Variants in DIPK1A observed in about 807,000 individuals in gnomAD.
The protein encoded by DIPK1A is divergent protein kinase domain 1A, also known as family with sequence similarity 69 member A.
In DIPK1A, 27 loss-of-function variants were observed where a neutral mutation model predicts 40.8. That is an observed-to-expected ratio of 0.66 (90% CI 0.49 to 0.91). The LOEUF is 0.91. DIPK1A is among the 40% of genes least tolerant of loss of function. DIPK1A has a pLI of 0.00. For missense variants in DIPK1A, 412 were observed against 505.7 expected, an observed-to-expected ratio of 0.81 and a Z score of 1.78; for synonymous variants, 166 against 171.3, an observed-to-expected ratio of 0.97 and a Z score of 0.24.
At position 92,929,209 on chromosome 1, in the gene DIPK1A, A is replaced by G. The variant is rs140733312; in HGVS notation, c.54+32167T>C. On this transcript the variant is annotated intron_variant, in intron 1 of 4. Coordinates refer to ENST00000370310, the MANE Select transcript of DIPK1A (RefSeq NM_001006605.5). ...TGTAGTGATTTTTGGATTGGTTATT[A>G]CACATTATGCATAATATGTTGTCAT... is the stretch of plus-strand genomic sequence containing the variant. Among the ~76,000 whole-genome samples the G allele has an allele frequency of 6.7e-3, 1,020 of 152,286 alleles. 14 individuals are homozygous for G. Among genetic ancestry groups the G allele is most frequent in the African/African-American group, 0.023 (956 of 41,556 alleles).
intron 2 of DIPK1A, among the ~76,000 whole-genome samples, chr1:92,867,345 C>A (rs537482279): frequency 4.0e-5 from 6 of 151,750 alleles, no homozygotes; most frequent in Non-Finnish European, 7.4e-5. Context: ...TGGGCCACTG[C>A]GCCTGGCCCT....
intron 1 of DIPK1A, chr1:92,876,873 A>T: frequency 4.0e-6 from 2 of 500,028 alleles, no homozygotes; most frequent in Non-Finnish European, 5.2e-6. Context: ...AAGAACAGAA[A>T]ATCTGGCTAT....
chr1:92,880,414 T>G (rs1648312743), intron 1 of DIPK1A, among the ~76,000 whole-genome samples: 1 of 152,236 alleles, frequency 6.6e-6, no homozygotes, highest in Non-Finnish European at 1.5e-5. Flanking sequence ...ATGCCAATTC[T>G]ACTCTAAAAA....
intron 1 of DIPK1A, among the ~76,000 whole-genome samples, chr1:92,883,211 CT>C (rs1001525939): frequency 6.6e-6 from 1 of 152,160 alleles, no homozygotes; most frequent in African/African-American, 2.4e-5. Flanking sequence ...ATGCAGATGG[CT>C]TTTAATTAAC....
intron 1 of DIPK1A, among the ~76,000 whole-genome samples, chr1:92,930,191 A>AGGC (rs35030001): frequency 0.35 from 52,914 of 151,656 alleles, 9,620 homozygotes; most frequent in African/African-American, 0.38. Context: ...TCTTCCTCAA[A>AGGC]AGCATGGCCT....
At chr1:92,846,239 GATCAA>G (rs1166584498) in intron 4 of DIPK1A, 1 of 154,900 alleles carries the variant, frequency 6.5e-6, no homozygotes, top group East Asian at 1.9e-4. Context: ...AATTTGTAAT[GATCAA>G]ATCAAGGTAA....
chr1:92,907,808 T>C (rs1357150723), intron 1 of DIPK1A, among the ~76,000 whole-genome samples: 2 of 151,714 alleles, frequency 1.3e-5, no homozygotes, highest in African/African-American at 2.4e-5. Flanking sequence ...GAACAAACTG[T>C]ACAACTTAAA....
In DIPK1A at chr1:92,834,761, G is replaced by C. The variant is rs762418050; in HGVS notation, c.475-1727C>G. On this transcript the variant is annotated intron_variant, in intron 4 of 4. Transcript: ENST00000615519. ...GTGAAAGCAACAGATTACTAACCTA[G>C]TTTCTCTCTTACTATAGATTGCTTA... is the stretch of plus-strand genomic sequence containing the variant. The C allele has an allele frequency of 4.3e-6, 7 of 1,612,222 alleles. No individual in the cohort carries two copies. In the East Asian group the frequency reaches 1.1e-4, roughly 26 times the overall value.
downstream of DIPK1A, chr1:92,837,578 A>T: frequency 6.2e-7 from 1 of 1,612,136 alleles, no homozygotes; most frequent in Non-Finnish European, 8.5e-7. Context: ...GAAGATGAAG[A>T]TGCTTACAAG....
chr1:92,903,482 T>C (rs1444524588), intron 1 of DIPK1A, among the ~76,000 whole-genome samples: 1 of 152,234 alleles, frequency 6.6e-6, no homozygotes, highest in Non-Finnish European at 1.5e-5. Flanking sequence ...TTTGAAAATA[T>C]GCTCTCTTAA....
At chr1:92,961,301 G>A (rs899334981) in intron 1 of DIPK1A, 75 bp downstream of exon 1, 8 of 1,153,428 alleles carry the variant, frequency 6.9e-6, no homozygotes, top group Non-Finnish European at 9.6e-6. Context: ...AGGGGAGCGG[G>A]CGAGTCCTGC....
chr1:92,935,442 CAA>C (rs1557491893), intron 1 of DIPK1A, among the ~76,000 whole-genome samples: 1 of 152,060 alleles, frequency 6.6e-6, no homozygotes, highest in African/African-American at 2.4e-5. Context: ...TATTAAAACA[CAA>C]TTAATAAATT....
intron 1 of DIPK1A, among the ~76,000 whole-genome samples, chr1:92,920,239 G>A (rs1650219176): frequency 6.6e-6 from 1 of 152,198 alleles, no homozygotes; most frequent in South Asian, 2.1e-4. Flanking sequence ...CGTGGCCAGT[G>A]GAGATAAATG....
intron 1 of DIPK1A, among the ~76,000 whole-genome samples, chr1:92,944,357 A>C (rs1651283996): frequency 6.6e-6 from 1 of 152,204 alleles, no homozygotes; most frequent in Non-Finnish European, 1.5e-5. Flanking sequence ...TAAGATTCAA[A>C]GGGCTCAGTG....
At chr1:92,913,172 T>C (rs981184180) in intron 1 of DIPK1A, among the ~76,000 whole-genome samples, 20 of 152,196 alleles carry the variant, frequency 1.3e-4, no homozygotes, top group African/African-American at 4.8e-4. Context: ...GCTTCCTTTT[T>C]TAAAATCAAG....
intron 1 of DIPK1A, among the ~76,000 whole-genome samples, chr1:92,941,416 T>C (rs1247203474): frequency 6.6e-6 from 1 of 152,220 alleles, no homozygotes; most frequent in Non-Finnish European, 1.5e-5. Context: ...ATCTATTAGT[T>C]ACTTAGCAGA....
At chr1:92,865,041 CAAAAA>C (rs56735279) in intron 2 of DIPK1A, among the ~76,000 whole-genome samples, 4 of 70,440 alleles carry the variant, frequency 5.7e-5, no homozygotes, top group Non-Finnish European at 9.8e-5. Flanking sequence ...GACTCCGTCT[CAAAAA>C]AAAAAAAAAA....
At chr1:92,897,985 G>A (rs1192917479) in intron 1 of DIPK1A, among the ~76,000 whole-genome samples, 1 of 152,116 alleles carries the variant, frequency 6.6e-6, no homozygotes, top group East Asian at 1.9e-4. Context: ...TATAGTCTCA[G>A]CTACTTGGGA....
chr1:92,836,373 G>A, intron 4 of DIPK1A: 2 of 1,614,068 alleles, frequency 1.2e-6, no homozygotes, highest in Non-Finnish European at 1.7e-6. Flanking sequence ...TGTGGATGGA[G>A]GCTTGTCTAT....
Sources: allele counts gnomAD v4.1 joint callset (sites outside exome capture counted in the v4.1 genomes callset), GRCh38; gene constraint gnomAD v4.1.1; transcripts MANE v1.5; gene names NCBI Gene and HGNC (gene_info 2026-07-23, HGNC 2026-07-21).